The following TLE4 variants were observed in gnomAD, a reference collection of about 807,000 sequenced individuals.
The protein encoded by TLE4 is TLE family member 4, transcriptional corepressor.
A neutral mutation model predicts 92.8 loss-of-function variants in TLE4; 8 were observed. The observed-to-expected ratio is 0.09, with a 90% CI of 0.05 to 0.16. The LOEUF (loss-of-function observed/expected upper bound fraction) is 0.16, where lower values mean the gene tolerates loss of function less well. TLE4 is among the 10% of genes least tolerant of loss of function. The pLI, the probability that TLE4 is intolerant of heterozygous loss-of-function variation, is 1.00. For synonymous variants in TLE4, 371 were observed against 374.1 expected, an observed-to-expected ratio of 0.99 and a Z score of 0.10; for missense variants, 675 against 997.6, an observed-to-expected ratio of 0.68 and a Z score of 4.36.
At position 79,702,744 on chromosome 9, in the gene TLE4, G is replaced by A. The variant is rs571521748; in HGVS notation, c.610-2039G>A. ...GGACGGATTTAGAGGTCCCCAGCCC[G>A]CCCAGTGGGCACCCACTCACTGGTC... On this transcript the variant is annotated intron_variant, in intron 8 of 19. Coordinates refer to ENST00000376552, the MANE Select transcript of TLE4 (RefSeq NM_007005.6). Among the ~76,000 whole-genome samples, 30 of 152,204 alleles carry A rather than the reference G, an allele frequency of 2.0e-4. No individual in the cohort carries two copies. The South Asian group carries it at 5.8e-3, about 29-fold the overall frequency.
chr9:79,631,663 T>TGTGTGTGTGTGTG (rs1312981283), intron 6 of TLE4, among the ~76,000 whole-genome samples: 17 of 148,768 alleles, frequency 1.1e-4, no homozygotes, highest in Admixed American at 2.7e-4. Flanking sequence ...TGTGTGTGTG[T>TGTGTGTGTGTGTG]TTTCTACATT....
At chr9:79,691,350 A>G (rs1429743225) in intron 8 of TLE4, among the ~76,000 whole-genome samples, 1 of 152,228 alleles carries the variant, frequency 6.6e-6, no homozygotes, top group East Asian at 1.9e-4. Context: ...CAGAAGGTTT[A>G]TATTGTACAC....
chr9:79,672,561 A>T (rs1167985929), intron 8 of TLE4, among the ~76,000 whole-genome samples: 1 of 152,144 alleles, frequency 6.6e-6, no homozygotes, highest in African/African-American at 2.4e-5. Context: ...GAGGCGGTTC[A>T]TTCTTACCAA....
Position 79,725,155 on chromosome 9 carries a change from T to G in TLE4, c.*11T>G. On this transcript the variant is annotated 3_prime_UTR_variant, in exon 20 of 20. Coordinates refer to ENST00000376552, the MANE Select transcript of TLE4 (RefSeq NM_007005.6). ...GAAGTTATTTATTAAAGACAAATCT[T>G]CATGCAGACTGGACTTCTCCTCCTG... 1 of 1,589,964 alleles carries G rather than the reference T, an allele frequency of 6.3e-7. No homozygotes were observed. The highest frequency in any genetic ancestry group is 8.6e-7 in the Non-Finnish European group (1 of 1,158,170).
At chr9:79,716,281 G>A (rs1306762656) in intron 14 of TLE4, among the ~76,000 whole-genome samples, 1 of 152,112 alleles carries the variant, frequency 6.6e-6, no homozygotes, top group Non-Finnish European at 1.5e-5. Flanking sequence ...CCCTCTGCCT[G>A]GCACGTTCCC....
At chr9:79,682,845 A>G (rs2065009746) in intron 8 of TLE4, among the ~76,000 whole-genome samples, 2 of 152,320 alleles carry the variant, frequency 1.3e-5, no homozygotes, top group Non-Finnish European at 2.9e-5. Flanking sequence ...TATTGAGAGC[A>G]TCCTAAGAAG....
chr9:79,576,508 C>T (rs2037824162), intron 4 of TLE4: 1 of 178,366 alleles, frequency 5.6e-6, no homozygotes. Flanking sequence ...GCAAACTTGT[C>T]TTGTGAAAGA....
At chr9:79,693,878 A>C (rs1408690126) in intron 8 of TLE4, among the ~76,000 whole-genome samples, 1 of 152,236 alleles carries the variant, frequency 6.6e-6, no homozygotes, top group Non-Finnish European at 1.5e-5. Context: ...ATTTTCTTGC[A>C]GTCCATTTTC....
At chr9:79,660,206 A>G (rs2060333560) in intron 8 of TLE4, among the ~76,000 whole-genome samples, 1 of 152,236 alleles carries the variant, frequency 6.6e-6, no homozygotes, top group Non-Finnish European at 1.5e-5. Flanking sequence ...GCTGAATATC[A>G]ATAGACAAGT....
rs146366529 is a variant in TLE4 at position 79,617,546 on chromosome 9, C to T, written c.315+4828C>T. ...ACAGTTGTATTTTTCAGAAACTTGT[C>T]GCTTCAGTAACAAGGAGCACATTCA... On this transcript the variant is annotated intron_variant, in intron 5 of 19. Transcript: ENST00000376552. Among the ~76,000 whole-genome samples the T allele has an allele frequency of 5.1e-3, 772 of 152,186 alleles. 4 individuals carry two copies. Among genetic ancestry groups the T allele is most frequent in the South Asian group, 0.012 (58 of 4,828 alleles).
chr9:79,711,513 C>G (rs915082623), intron 14 of TLE4, among the ~76,000 whole-genome samples: 2 of 152,140 alleles, frequency 1.3e-5, no homozygotes, highest in African/African-American at 4.8e-5. Context: ...AAGTACTATC[C>G]CTTTTTTTTG....
At chr9:79,680,669 T>G (rs1221920007) in intron 8 of TLE4, among the ~76,000 whole-genome samples, 1 of 152,182 alleles carries the variant, frequency 6.6e-6, no homozygotes, top group Non-Finnish European at 1.5e-5. Flanking sequence ...CTATGTTGAC[T>G]AGGAGTGGTG....
At chr9:79,720,654 C>T (rs60152857) in intron 16 of TLE4, among the ~76,000 whole-genome samples, 7,385 of 152,026 alleles carry the variant, frequency 0.049, 433 homozygotes, top group African/African-American at 0.14. Flanking sequence ...CCATGAGCTC[C>T]ATGGACATCT....
intron 8 of TLE4, among the ~76,000 whole-genome samples, chr9:79,680,869 C>T (rs181838409): frequency 1.1e-3 from 171 of 152,280 alleles, no homozygotes; most frequent in African/African-American, 4.0e-3. Context: ...GCCTTTTCTG[C>T]ATCTATTGAG....
intron 8 of TLE4, chr9:79,704,505 CT>C (rs1400255103): frequency 1.6e-5 from 7 of 431,826 alleles, no homozygotes; most frequent in Non-Finnish European, 2.9e-5. Flanking sequence ...TCCTGCCACC[CT>C]TTTTATTTCC....
intron 1 of TLE4, chr9:79,573,469 G>A (rs1465986235): frequency 1.9e-6 from 2 of 1,037,456 alleles, no homozygotes; most frequent in African/African-American, 1.7e-5. Context: ...GGGCGCGGGG[G>A]CCTGCGGGCG....
chr9:79,694,290 C>G (rs1288867899), intron 8 of TLE4, among the ~76,000 whole-genome samples: 1 of 152,270 alleles, frequency 6.6e-6, no homozygotes, highest in South Asian at 2.1e-4. Context: ...AGTTCTCTGA[C>G]CTGTGATCTT....
chr9:79,713,434 C>T lies in TLE4; in HGVS notation c.1340+3735C>T, dbSNP rs539905721. ...TCGCCATGTTTGTTGGAGAGCCACTCTGCTCGTAGCAGCTTAACCTGTGGT... is the reference window on the plus strand; with the variant it reads ...TCGCCATGTTTGTTGGAGAGCCACTTTGCTCGTAGCAGCTTAACCTGTGGT... On this transcript the variant is annotated intron_variant, in intron 14 of 19. Coordinates refer to ENST00000376552, the MANE Select transcript of TLE4 (RefSeq NM_007005.6). Among the ~76,000 whole-genome samples the T allele has an allele frequency of 3.9e-5, 6 of 152,344 alleles. No homozygotes were observed. In the South Asian group the frequency reaches 1.0e-3, roughly 26 times the overall value.
chr9:79,684,910 T>C (rs757812509), intron 8 of TLE4, among the ~76,000 whole-genome samples: 6 of 152,206 alleles, frequency 3.9e-5, no homozygotes, highest in Non-Finnish European at 8.8e-5. Flanking sequence ...CAGCCAATAT[T>C]GCAGTCAGTC....
Sources: allele counts gnomAD v4.1 joint callset (sites outside exome capture counted in the v4.1 genomes callset), GRCh38; gene constraint gnomAD v4.1.1; transcripts MANE v1.5; gene names NCBI Gene and HGNC (gene_info 2026-07-23, HGNC 2026-07-21).